The following NRG1 variants were observed in gnomAD, a reference collection of about 807,000 sequenced individuals.
NRG1 encodes the protein pro-neuregulin-1, membrane-bound isoform.
In NRG1, 18 loss-of-function variants were observed where a neutral mutation model predicts 63.8. The observed-to-expected ratio is 0.28, with a 90% CI of 0.19 to 0.42. NRG1 has a LOEUF of 0.42. NRG1 is among the 10% of genes least tolerant of loss of function. NRG1 has a pLI of 1.00. For synonymous variants in NRG1, 302 were observed against 301.3 expected (o/e 1.00, Z -0.02); for missense variants, 762 against 814.7 (o/e 0.94, Z 0.79).
chr8:31,993,482 C>T (rs1029657423), intron 1 of NRG1, among the ~76,000 whole-genome samples: 1 of 151,992 alleles, frequency 6.6e-6, no homozygotes, highest in Non-Finnish European at 1.5e-5. Flanking sequence ...TTCCCCCATA[C>T]TGTTCTCCTG....
chr8:31,948,056 A>G (rs400794), intron 1 of NRG1, among the ~76,000 whole-genome samples: 136,407 of 151,728 alleles, frequency 0.9, 62,110 homozygotes, highest in African/African-American at 0.97. Flanking sequence ...TAGAAGATTT[A>G]ACAACTGGAA....
intron 1 of NRG1, chr8:32,026,482 TG>T (rs1314069710): frequency 2.0e-5 from 3 of 152,234 alleles, no homozygotes; most frequent in African/African-American, 7.2e-5. Flanking sequence ...CATCATGCCT[TG>T]GGCGCATATA....
chr8:32,714,432 C>G (rs931864283), intron 5 of NRG1, among the ~76,000 whole-genome samples: 2 of 152,016 alleles, frequency 1.3e-5, no homozygotes, highest in African/African-American at 2.4e-5. Flanking sequence ...TATGTTTAGT[C>G]TGCTTAAAAT....
At chr8:32,680,021 A>G (rs1032008839) in intron 5 of NRG1, among the ~76,000 whole-genome samples, 4 of 152,210 alleles carry the variant, frequency 2.6e-5, no homozygotes, top group South Asian at 4.1e-4. Context: ...TTAACCTATG[A>G]CATTTTTACT....
chr8:31,746,984 A>G (rs1172973357), intron 1 of NRG1, among the ~76,000 whole-genome samples: 1 of 151,808 alleles, frequency 6.6e-6, no homozygotes, highest in African/African-American at 2.4e-5. Context: ...GGACCTAGAG[A>G]GTAGAAGGAT....
intron 1 of NRG1, among the ~76,000 whole-genome samples, chr8:32,242,325 T>C (rs73578675): frequency 0.1 from 15,494 of 151,654 alleles, 943 homozygotes; most frequent in East Asian, 0.28. Flanking sequence ...AATACAAAAA[T>C]TAGGGGAGTG....
intron 5 of NRG1, chr8:32,648,247 G>A (rs1422539796): frequency 1.1e-5 from 18 of 1,613,916 alleles, no homozygotes; most frequent in African/African-American, 2.7e-5. Flanking sequence ...CCGAAGAATC[G>A]TATTTTTGCC....
At chr8:31,811,127 A>G (rs1314798162) in intron 1 of NRG1, among the ~76,000 whole-genome samples, 1 of 152,194 alleles carries the variant, frequency 6.6e-6, no homozygotes, top group Admixed American at 6.5e-5. Flanking sequence ...CATAGAATAA[A>G]CAAGGGCATG....
At chr8:31,649,682 G>T (rs980804832) in intron 1 of NRG1, among the ~76,000 whole-genome samples, 4 of 152,192 alleles carry the variant, frequency 2.6e-5, no homozygotes, top group East Asian at 3.9e-4. Flanking sequence ...TCGATTTAAA[G>T]AATAAGCTTA....
intron 1 of NRG1, among the ~76,000 whole-genome samples, chr8:32,172,096 C>A (rs74863708): frequency 3.3e-5 from 5 of 152,162 alleles, no homozygotes; most frequent in African/African-American, 9.7e-5. Flanking sequence ...AGGCACCCCC[C>A]AGTAGGGGCA....
chr8:32,001,169 A>G (rs556080569), intron 1 of NRG1, among the ~76,000 whole-genome samples: 1 of 152,156 alleles, frequency 6.6e-6, no homozygotes, highest in Admixed American at 6.5e-5. Flanking sequence ...GATATCTGAT[A>G]TTATTTGGCT....
At chr8:32,076,720 T>TTA (rs1554619406) in intron 1 of NRG1, among the ~76,000 whole-genome samples, 1 of 147,792 alleles carries the variant, frequency 6.8e-6, no homozygotes, top group South Asian at 2.1e-4. Flanking sequence ...TGAACTTAAG[T>TTA]AAAAAAAAAA....
At chr8:32,762,708 T>C (rs1484497439) in intron 11 of NRG1, among the ~76,000 whole-genome samples, 1 of 152,176 alleles carries the variant, frequency 6.6e-6, no homozygotes, top group African/African-American at 2.4e-5. Context: ...TGAATGCCAG[T>C]GTGAAGAAAA....
chr8:32,716,824 G>A (rs1024205185), intron 5 of NRG1, among the ~76,000 whole-genome samples: 24 of 11,650 alleles, frequency 2.1e-3, no homozygotes, highest in Middle Eastern at 0.062. Flanking sequence ...GCATGTGCGT[G>A]TGTGTGTGTG....
intron 1 of NRG1, among the ~76,000 whole-genome samples, chr8:31,708,473 T>G (rs1585816819): frequency 7.4e-6 from 1 of 135,636 alleles, no homozygotes; most frequent in African/African-American, 2.8e-5. Context: ...TGAGACGGAG[T>G]CTCGCTCTGG....
At chr8:31,961,624 T>G (rs965379390) in intron 1 of NRG1, among the ~76,000 whole-genome samples, 11 of 152,294 alleles carry the variant, frequency 7.2e-5, no homozygotes, top group Non-Finnish European at 1.5e-4. Context: ...TTTTAACCAA[T>G]GCTAGGCTTA....
chr8:32,637,613 C>T (rs1791737249), intron 5 of NRG1, among the ~76,000 whole-genome samples: 1 of 152,100 alleles, frequency 6.6e-6, no homozygotes, highest in African/African-American at 2.4e-5. Flanking sequence ...CGGGCGATTC[C>T]CATTTTGGTG....
intron 1 of NRG1, among the ~76,000 whole-genome samples, chr8:32,296,640 T>C (rs1261913346): frequency 1.3e-5 from 2 of 150,038 alleles, no homozygotes; most frequent in African/African-American, 4.9e-5. Context: ...AAAAGCTTCC[T>C]TAAAAACAAA....
chr8:32,771,710 A>AT (rs1831808682), downstream of NRG1, among the ~76,000 whole-genome samples: 5 of 108,500 alleles, frequency 4.6e-5, no homozygotes, highest in African/African-American at 1.9e-4. Context: ...TTTCTTTAAA[A>AT]AAAAAATATA....
Sources: gnomAD v4.1 joint callset for allele counts (sites outside exome capture counted in the v4.1 genomes callset) on GRCh38, gnomAD v4.1.1 for gene constraint, MANE v1.5 for transcripts, NCBI Gene and HGNC (gene_info 2026-07-23, HGNC 2026-07-21) for gene names.